Variants in PCDH11X observed in about 807,000 individuals in gnomAD.
PCDH11X encodes protocadherin 11 X-linked, also known as protocadherin-11 X-linked.
Under a neutral mutation model 53.3 loss-of-function variants are expected in PCDH11X, and 18 were observed. The ratio of observed to expected loss-of-function variants is 0.34; its 90% CI spans 0.23 to 0.50. PCDH11X has a LOEUF of 0.50. Among genes scored for constraint, PCDH11X ranks in the 20% least tolerant of loss-of-function variants. The pLI is 0.98. For missense variants in PCDH11X, 570 were observed against 1,032.4 expected, an observed-to-expected ratio of 0.55 and a Z score of 6.14; for synonymous variants, 279 against 393.3, an observed-to-expected ratio of 0.71 and a Z score of 3.44.
At chrX:92,331,333 C>CTTCTTCTTCTTCTTCTTCTTCTTCTTCTT (rs1300857539) in intron 8 of PCDH11X, among the ~76,000 whole-genome samples, 19 of 84,916 alleles carry the variant, frequency 2.2e-4, no homozygotes, top group South Asian at 6.9e-4. Context: ...TCTTCTTCTT[C>CTTCTTCTTCTTCTTCTTCTTCTTCTTCTT]CTTCCTTCCT....
intron 10 of PCDH11X, among the ~76,000 whole-genome samples, chrX:92,505,885 G>A (rs1187326113): frequency 1.8e-5 from 2 of 111,128 alleles, no homozygotes; most frequent in Non-Finnish European, 3.8e-5. Flanking sequence ...CACCTCTCTG[G>A]TTACCTGTAT....
intron 5 of PCDH11X, among the ~76,000 whole-genome samples, chrX:91,868,743 A>G (rs1178838869): frequency 8.9e-6 from 1 of 111,817 alleles, no homozygotes; most frequent in African/African-American, 3.2e-5. Flanking sequence ...GTGAAAGATC[A>G]TATTTTCATT....
At chrX:91,884,792 A>C (rs1485418237) in intron 6 of PCDH11X, among the ~76,000 whole-genome samples, 4 of 110,183 alleles carry the variant, frequency 3.6e-5, no homozygotes, top group Admixed American at 1.9e-4. Flanking sequence ...ATTACATAGC[A>C]TATGCTTCCT....
chrX:92,022,204 C>T (rs1174879707), intron 6 of PCDH11X, among the ~76,000 whole-genome samples: 3 of 108,424 alleles, frequency 2.8e-5, no homozygotes, highest in African/African-American at 1.0e-4. Context: ...CTAAATGCCC[C>T]AATTAAAAGA....
intron 8 of PCDH11X, among the ~76,000 whole-genome samples, chrX:92,345,418 A>G (rs1349024597): frequency 9.1e-6 from 1 of 109,967 alleles, no homozygotes; most frequent in East Asian, 2.8e-4. Flanking sequence ...GGGATTACAA[A>G]GAACAACCAC....
At chrX:92,101,161 G>A (rs1384367404) in intron 6 of PCDH11X, among the ~76,000 whole-genome samples, 1 of 111,719 alleles carries the variant, frequency 9.0e-6, no homozygotes, top group African/African-American at 3.3e-5. Flanking sequence ...GAGAAACAGT[G>A]TAAACTGGCA....
intron 6 of PCDH11X, among the ~76,000 whole-genome samples, chrX:92,186,491 G>A (rs1454815525): frequency 9.0e-6 from 1 of 110,855 alleles, no homozygotes; most frequent in African/African-American, 3.3e-5. Flanking sequence ...AGCCAGGCGT[G>A]GTGGCATGCA....
intron 5 of PCDH11X, among the ~76,000 whole-genome samples, chrX:91,875,392 C>G (rs1449992071): frequency 1.9e-5 from 2 of 105,689 alleles, no homozygotes; most frequent in Non-Finnish European, 3.9e-5. Context: ...ATGCCATTCT[C>G]CTGCCTCAGC....
At chrX:92,460,473 G>A in intron 9 of PCDH11X, 1 of 737,906 alleles carries the variant, frequency 1.4e-6, no homozygotes, top group Non-Finnish European at 2.1e-6. Flanking sequence ...ACAAATACTG[G>A]CCTCAGCAGT....
At chrX:92,340,498 C>T (rs1484423245) in intron 8 of PCDH11X, among the ~76,000 whole-genome samples, 5 of 112,159 alleles carry the variant, frequency 4.5e-5, no homozygotes, top group Non-Finnish European at 9.4e-5. Context: ...CAGACGATCC[C>T]AAGCCTCAAG....
chrX:91,946,462 G>A (rs1351519911), intron 6 of PCDH11X, among the ~76,000 whole-genome samples: 1 of 98,686 alleles, frequency 1.0e-5, no homozygotes, highest in Non-Finnish European at 2.0e-5. Context: ...TTGACTGCAA[G>A]TATTGTAAAT....
intron 8 of PCDH11X, among the ~76,000 whole-genome samples, chrX:92,265,292 T>A (rs5984163): frequency 0.048 from 5,274 of 110,332 alleles, 258 homozygotes; most frequent in East Asian, 0.22. Flanking sequence ...CCCAAAAGTA[T>A]CTGTTGTCAT....
At chrX:92,548,931 C>T (rs1423927475) in intron 10 of PCDH11X, among the ~76,000 whole-genome samples, 1 of 106,954 alleles carries the variant, frequency 9.3e-6, no homozygotes, top group Non-Finnish European at 1.9e-5. Flanking sequence ...AATATCTAAT[C>T]AGTTTTGTTA....
intron 7 of PCDH11X, among the ~76,000 whole-genome samples, chrX:92,236,454 C>T (rs1353245272): frequency 9.0e-6 from 1 of 111,605 alleles, no homozygotes; most frequent in African/African-American, 3.2e-5. Flanking sequence ...TTGTCTTAAC[C>T]TTATAACCAA....
chrX:91,902,939 A>G (rs1165433425), intron 6 of PCDH11X, among the ~76,000 whole-genome samples: 1 of 110,813 alleles, frequency 9.0e-6, no homozygotes, highest in Non-Finnish European at 1.9e-5. Flanking sequence ...ATATTTTTCA[A>G]AATGTACTAC....
At chrX:92,474,298 A>G (rs1201026516) in intron 10 of PCDH11X, among the ~76,000 whole-genome samples, 1 of 110,737 alleles carries the variant, frequency 9.0e-6, no homozygotes, top group African/African-American at 3.3e-5. Flanking sequence ...ATTGGCATGG[A>G]ATATCTTTTA....
chrX:92,363,308 G>C (rs922265150), intron 8 of PCDH11X, among the ~76,000 whole-genome samples: 1 of 111,213 alleles, frequency 9.0e-6, no homozygotes, highest in Non-Finnish European at 1.9e-5. Context: ...CTACTTATTT[G>C]TGTGTTCTTT....
Position 92,618,749 on chromosome X carries a change from G to A in PCDH11X, c.3853G>A (p.Gly1285Ser), listed in dbSNP as rs750572421. The A allele has an allele frequency of 3.3e-6, 4 of 1,210,502 alleles. No individual in the cohort carries two copies. Among genetic ancestry groups the A allele is most frequent in the Middle Eastern group, 2.3e-4 (1 of 4,369 alleles). ...SVSLQQGWVQ[G>S]ADGLCSVDQG... is the part of the protein sequence containing the mutation. ...CAGTTTGCAGCAAGGTTGGGTGCAA[G>A]GTGCTGATGGGCTATGCTCTGTTGA... The change falls in exon 11 of 11, where the codon GGT becomes AGT. Residue 1285 changes from glycine (G) to serine (S), a missense_variant. Transcript: ENST00000682573.
At chrX:92,066,704 GAATTT>G (rs1465496302) in intron 6 of PCDH11X, among the ~76,000 whole-genome samples, 2 of 112,241 alleles carry the variant, frequency 1.8e-5, no homozygotes, top group East Asian at 5.6e-4. Context: ...CAACTATACT[GAATTT>G]ATTTATCAGT....
Sources: allele counts gnomAD v4.1 joint callset (sites outside exome capture counted in the v4.1 genomes callset), GRCh38; gene constraint gnomAD v4.1.1; transcripts MANE v1.5; gene names NCBI Gene and HGNC (gene_info 2026-07-23, HGNC 2026-07-21).